The following PARD3B variants were observed in gnomAD, a reference collection of about 807,000 sequenced individuals.
PARD3B encodes the protein par-3 family cell polarity regulator beta.
In PARD3B, 103 loss-of-function variants were observed where a neutral mutation model predicts 130.2. The ratio of observed to expected loss-of-function variants is 0.79; its 90% CI spans 0.67 to 0.93. The LOEUF (loss-of-function observed/expected upper bound fraction) is 0.93, where lower values mean the gene tolerates loss of function less well. Ranked by LOEUF, PARD3B falls within the 40% of genes least tolerant of loss-of-function variation. PARD3B has a pLI of 0.00. For missense variants in PARD3B, 1,609 were observed against 1,499.2 expected, an observed-to-expected ratio of 1.07 and a Z score of -1.21; for synonymous variants, 583 against 553.2, an observed-to-expected ratio of 1.05 and a Z score of -0.76.
At chr2:205,031,631 A>G (rs1369802151) in intron 3 of PARD3B, among the ~76,000 whole-genome samples, 4 of 152,108 alleles carry the variant, frequency 2.6e-5, no homozygotes, top group African/African-American at 9.7e-5. Context: ...TTAATTCACT[A>G]TTCTGTGACT....
In PARD3B at chr2:205,550,937, GTGTGTATATATATA is replaced by G. The variant is rs1473174341; in HGVS notation, c.3181-2371_3181-2358del. 1.2e-5 allele frequency among the ~76,000 whole-genome samples: 1 copy of G among 83,838 alleles called. No individual in the cohort carries two copies. Among genetic ancestry groups the G allele is most frequent in the African/African-American group, 3.9e-5 (1 of 25,506 alleles). 55.0% of individuals were successfully genotyped at this position (83,838 alleles called of 152,430 possible). A position where few individuals can be genotyped will look rare whatever the true frequency, so the allele number is the denominator to read the frequency against. On this transcript the variant is annotated intron_variant, in intron 21 of 22. Coordinates refer to ENST00000406610, the MANE Select transcript of PARD3B (RefSeq NM_001302769.2). This position sits in a 1 kb window ranked among gnomAD's most constrained non-coding sequence, Gnocchi z 4.5. ...TACATATAATTATGTGTGTGTGTGT[GTGTGTATATATATA>G]TGTGTATATATATATATATATATAT... is the stretch of plus-strand genomic sequence containing the variant.
chr2:205,110,844 T>G (rs1054960039), intron 5 of PARD3B, among the ~76,000 whole-genome samples: 1 of 152,144 alleles, frequency 6.6e-6, no homozygotes, highest in Non-Finnish European at 1.5e-5. Context: ...TCTAAACAAA[T>G]AGCAATAATA....
rs1333958939 is a variant in PARD3B, at chr2:204,610,637, G to A, written c.120+64518G>A. ...GGCCTCCCAAAGTGCTGGGATTACA[G>A]GCAGGAGCCACCGTGCCTGCCCCTT... On this transcript the variant is annotated intron_variant, in intron 1 of 22. Transcript: ENST00000406610. This position sits in a 1 kb window ranked among gnomAD's most constrained non-coding sequence, Gnocchi z 4.1. Among the ~76,000 whole-genome samples, 1 of 152,160 alleles carries A rather than the reference G, an allele frequency of 6.6e-6. No individual in the cohort carries two copies. The highest frequency in any genetic ancestry group is 1.5e-5 in the Non-Finnish European group (1 of 68,036).
intron 22 of PARD3B, among the ~76,000 whole-genome samples, chr2:205,607,500 G>A (rs537496908): frequency 2.0e-4 from 31 of 152,124 alleles, no homozygotes; most frequent in Non-Finnish European, 2.8e-4. Flanking sequence ...TCTGCTTCTC[G>A]GTTTCCTCAT....
At chr2:205,354,263 C>G (rs1311997827) in intron 18 of PARD3B, among the ~76,000 whole-genome samples, 1 of 151,492 alleles carries the variant, frequency 6.6e-6, no homozygotes, top group Non-Finnish European at 1.5e-5. Context: ...ATTCGGCACT[C>G]TCACCGCCAC....
chr2:205,147,167 AGTT>A (rs2033425338), intron 10 of PARD3B, among the ~76,000 whole-genome samples: 1 of 152,244 alleles, frequency 6.6e-6, no homozygotes, highest in Non-Finnish European at 1.5e-5. Flanking sequence ...AGCAAGTTGT[AGTT>A]GTATAATTTC....
intron 1 of PARD3B, among the ~76,000 whole-genome samples, chr2:204,653,087 TCATGGACACAACA>T (rs1450159309): frequency 4.6e-5 from 7 of 150,794 alleles, no homozygotes; most frequent in Non-Finnish European, 7.4e-5. Flanking sequence ...CACAAAAAAC[TCATGGACACAACA>T]GACACTGGGA....
At chr2:205,606,323 C>T (rs1159043630) in intron 22 of PARD3B, among the ~76,000 whole-genome samples, 1 of 152,218 alleles carries the variant, frequency 6.6e-6, no homozygotes, top group African/African-American at 2.4e-5. Flanking sequence ...TGAAGTAGCA[C>T]AGTCACTCAC....
Position 205,563,619 on chromosome 2 carries a change from A to G in PARD3B, c.3260+10216A>G, listed in dbSNP as rs2053216569. On this transcript the variant is annotated intron_variant, in intron 22 of 22. Coordinates refer to ENST00000406610, the MANE Select transcript of PARD3B (RefSeq NM_001302769.2). The surrounding 1 kb of genome is among the most constrained non-coding windows in gnomAD (Gnocchi z 4.2). ...TTGTGAACATCTTTTAAGGTTCCAGAGAAAATAGAAAATGTCAAAACCTAC... is the reference window on the plus strand; with the variant it reads ...TTGTGAACATCTTTTAAGGTTCCAGGGAAAATAGAAAATGTCAAAACCTAC... 6.6e-6 allele frequency among the ~76,000 whole-genome samples: 1 copy of G among 151,048 alleles called. No individual in the cohort carries two copies.
intron 15 of PARD3B, among the ~76,000 whole-genome samples, chr2:205,213,820 A>G (rs1395962035): frequency 2.0e-5 from 3 of 152,154 alleles, no homozygotes; most frequent in Admixed American, 2.0e-4. Context: ...AAGAAGGTCA[A>G]AGGCTTCAAT....
chr2:204,982,776 AC>A (rs1322686428), intron 3 of PARD3B, among the ~76,000 whole-genome samples: 2 of 152,222 alleles, frequency 1.3e-5, no homozygotes, highest in African/African-American at 4.8e-5. Flanking sequence ...GACTGCATGT[AC>A]TCACGCTTAA....
chr2:205,480,152 G>A (rs763859922), intron 20 of PARD3B, among the ~76,000 whole-genome samples: 6 of 152,018 alleles, frequency 3.9e-5, no homozygotes, highest in Non-Finnish European at 5.9e-5. Context: ...TGATCCACCC[G>A]CCTCGGCCTC....
chr2:205,461,210 A>C lies in PARD3B; in HGVS notation c.3044+20538A>C, dbSNP rs1220571006. ...AAGCGACATTTAAGTCGAGACTCAA[A>C]GAGTGAGTAGCCATGAGAATTTGGG... On this transcript the variant is annotated intron_variant, in intron 20 of 22. Transcript: ENST00000406610. The surrounding 1 kb of genome is among the most constrained non-coding windows in gnomAD (Gnocchi z 4.3). Among the ~76,000 whole-genome samples the C allele has an allele frequency of 1.3e-5, 2 of 152,200 alleles. No individual in the cohort carries two copies. The highest frequency in any genetic ancestry group is 4.8e-5 in the African/African-American group (2 of 41,444).
In PARD3B at chr2:205,049,298, G is replaced by T. The variant is rs563761776; in HGVS notation, c.504+1608G>T. Among the ~76,000 whole-genome samples, 3 of 152,270 alleles carry T rather than the reference G, an allele frequency of 2.0e-5. No individual in the cohort carries two copies. The East Asian group carries it at 5.8e-4, about 29-fold the overall frequency. On this transcript the variant is annotated intron_variant, in intron 4 of 22. Transcript: ENST00000406610. ...GAAACTTAAAATCATGGTGGAAGGG[G>T]AAGCAAACATGTCCTTCTTCACAAG...
Position 205,292,212 on chromosome 2 carries a change from G to C in PARD3B, c.2186-8318G>C, listed in dbSNP as rs1345776077. The stretch of plus-strand genomic sequence containing the variant: ...TCCACACAATGCCATCTCTGCTGGT[G>C]CAGAGAGCTGTAGTAGAGCCCTCAT... On this transcript the variant is annotated intron_variant, in intron 16 of 22. Transcript: ENST00000406610. This position sits in a 1 kb window ranked among gnomAD's most constrained non-coding sequence, Gnocchi z 5.3. Among the ~76,000 whole-genome samples, 1 of 152,142 alleles carries C rather than the reference G, an allele frequency of 6.6e-6. No individual in the cohort carries two copies. The highest frequency in any genetic ancestry group is 6.5e-5 in the Admixed American group (1 of 15,274).
At chr2:205,096,203 TG>T (rs1702385611) in intron 4 of PARD3B, among the ~76,000 whole-genome samples, 1 of 152,106 alleles carries the variant, frequency 6.6e-6, no homozygotes, top group Non-Finnish European at 1.5e-5. Flanking sequence ...TAGTATTTGG[TG>T]CATTATGACA....
At chr2:205,577,961 G>T (rs560922046) in intron 22 of PARD3B, among the ~76,000 whole-genome samples, 7 of 152,334 alleles carry the variant, frequency 4.6e-5, no homozygotes, top group African/African-American at 1.4e-4. Context: ...CTGATGGAAA[G>T]CAGTTTAGGC....
intron 3 of PARD3B, among the ~76,000 whole-genome samples, chr2:205,025,294 G>A (rs963589295): frequency 3.9e-5 from 6 of 152,130 alleles, no homozygotes; most frequent in East Asian, 1.9e-4. Context: ...CACAGCAACC[G>A]TTAGATGGGC....
At chr2:204,985,168 T>G (rs1241889859) in intron 3 of PARD3B, among the ~76,000 whole-genome samples, 1 of 152,094 alleles carries the variant, frequency 6.6e-6, no homozygotes, top group Non-Finnish European at 1.5e-5. Flanking sequence ...CCCCACTTCT[T>G]TCCTTACATC....
Sources: gnomAD v4.1 joint callset for allele counts (sites outside exome capture counted in the v4.1 genomes callset) on GRCh38, gnomAD v4.1.1 for gene constraint, Gnocchi (gnomAD v3.1) non-coding constraint, MANE v1.5 for transcripts, NCBI Gene and HGNC (gene_info 2026-07-23, HGNC 2026-07-21) for gene names.